RFC1: variants seen among roughly 807,000 people sequenced by gnomAD.
RFC1 encodes A1 140 kDa subunit.
A neutral mutation model predicts 137.4 loss-of-function variants in RFC1; 37 were observed. The ratio of observed to expected loss-of-function variants is 0.27; its 90% CI spans 0.21 to 0.35. The LOEUF (loss-of-function observed/expected upper bound fraction) is 0.35, where lower values mean the gene tolerates loss of function less well. Ranked by LOEUF, RFC1 falls within the 10% of genes least tolerant of loss-of-function variation. The probability of loss-of-function intolerance (pLI) is 1.00; values close to 1 mark genes in which losing one functional copy is unlikely to be tolerated. For missense variants in RFC1, 1,205 were observed against 1,358.5 expected, an observed-to-expected ratio of 0.89 and a Z score of 1.78; for synonymous variants, 429 against 455.7, an observed-to-expected ratio of 0.94 and a Z score of 0.75.
At chr4:39,334,457 C>G (rs1174580270) in intron 4 of RFC1, among the ~76,000 whole-genome samples, 1 of 152,170 alleles carries the variant, frequency 6.6e-6, no homozygotes, top group Non-Finnish European at 1.5e-5. Flanking sequence ...TTCCAACAGA[C>G]AGTGACTTAA....
chr4:39,312,057 C>G (rs1347889079), intron 11 of RFC1, among the ~76,000 whole-genome samples: 1 of 152,168 alleles, frequency 6.6e-6, no homozygotes, highest in Non-Finnish European at 1.5e-5. Flanking sequence ...GCCAATGAGC[C>G]TTATGTGAAA....
intron 21 of RFC1, among the ~76,000 whole-genome samples, chr4:39,296,212 T>C (rs533114053): frequency 4.1e-4 from 63 of 152,048 alleles, no homozygotes; most frequent in African/African-American, 1.4e-3. Flanking sequence ...ACCTTAGATG[T>C]CTTCTATGTC....
intron 1 of RFC1, among the ~76,000 whole-genome samples, chr4:39,359,259 C>T (rs1741629488): frequency 6.6e-6 from 1 of 152,172 alleles, no homozygotes; most frequent in South Asian, 2.1e-4. Flanking sequence ...TTTCTAGAGG[C>T]CTCACTCTGT....
At chr4:39,342,223 A>C in intron 4 of RFC1, 122 bp downstream of exon 4, 1 of 1,154,182 alleles carries the variant, frequency 8.7e-7, no homozygotes, top group Non-Finnish European at 1.2e-6. Flanking sequence ...GACAAATATA[A>C]CTCAACAAAG....
intron 10 of RFC1, 65 bp from the exon 11 acceptor site, chr4:39,312,996 A>G (rs940671454): frequency 7.5e-7 from 1 of 1,328,806 alleles, no homozygotes; most frequent in Admixed American, 2.0e-5. Context: ...AACATTTGGC[A>G]TCAAAACTGC....
chr4:39,357,902 C>T (rs1469259024), intron 1 of RFC1, among the ~76,000 whole-genome samples: 5 of 152,010 alleles, frequency 3.3e-5, no homozygotes, highest in Non-Finnish European at 5.9e-5. Context: ...CCACAGCGCC[C>T]GGCCCAGAAG....
At chr4:39,292,664 G>A (rs978181604) in intron 22 of RFC1, among the ~76,000 whole-genome samples, 8 of 144,640 alleles carry the variant, frequency 5.5e-5, no homozygotes, top group South Asian at 2.1e-4. Context: ...ATTTAAAGAC[G>A]AAGCCTCACT....
rs957412107 is a variant in RFC1 at position 39,287,784 on chromosome 4, A to G, written c.*977T>C. ...ACTTCCAACAGGGTTTGTGGAAGCC[A>G]TCACAGGACAGGACTAGATCTCTCA... On this transcript the variant is annotated 3_prime_UTR_variant, in exon 25 of 25. Transcript: ENST00000349703. 1 of 152,266 alleles carries G rather than the reference A, an allele frequency of 6.6e-6. No individual in the cohort carries two copies. Among genetic ancestry groups the G allele is most frequent in the Non-Finnish European group, 1.5e-5 (1 of 68,058 alleles). 9.4% of individuals were successfully genotyped at this position (152,266 alleles called of 1,614,324 possible).
intron 4 of RFC1, among the ~76,000 whole-genome samples, chr4:39,337,470 GT>G (rs1740415169): frequency 1.4e-5 from 2 of 144,472 alleles, no homozygotes; most frequent in African/African-American, 5.4e-5. Flanking sequence ...GTGTGTGTGT[GT>G]GTAACATTTA....
chr4:39,305,887 AGTG>A (rs1169648331), intron 14 of RFC1, among the ~76,000 whole-genome samples: 1 of 152,240 alleles, frequency 6.6e-6, no homozygotes, highest in Admixed American at 6.5e-5. Context: ...TTATAAACAC[AGTG>A]GAAACAGATA....
chr4:39,314,980 C>A (rs1739167421), intron 10 of RFC1, among the ~76,000 whole-genome samples: 1 of 152,124 alleles, frequency 6.6e-6, no homozygotes, highest in Non-Finnish European at 1.5e-5. Context: ...ATACTTAAAT[C>A]TCCCCCTAAA....
chr4:39,299,093 G>A (rs973385099), intron 21 of RFC1, among the ~76,000 whole-genome samples: 3 of 152,198 alleles, frequency 2.0e-5, no homozygotes, highest in South Asian at 2.1e-4. Flanking sequence ...CCGCTTAAAG[G>A]CATTCTTAAA....
chr4:39,325,873 C>G (rs939937684), intron 6 of RFC1, among the ~76,000 whole-genome samples: 3 of 152,226 alleles, frequency 2.0e-5, no homozygotes, highest in Non-Finnish European at 4.4e-5. Flanking sequence ...CTATTAACAT[C>G]ATCGAAGCCA....
At chr4:39,322,733 C>A (rs1435907735) in intron 7 of RFC1, among the ~76,000 whole-genome samples, 1 of 151,092 alleles carries the variant, frequency 6.6e-6, no homozygotes, top group Non-Finnish European at 1.5e-5. Flanking sequence ...GTGCTATGAA[C>A]GTGCCAGTGT....
chr4:39,333,875 T>C (rs1008736594), intron 4 of RFC1, among the ~76,000 whole-genome samples: 34 of 152,192 alleles, frequency 2.2e-4, no homozygotes, highest in Non-Finnish European at 4.4e-4. Flanking sequence ...TAATTACACA[T>C]GGCTCTCCAA....
At chr4:39,341,476 A>G in intron 4 of RFC1, 1 of 388,804 alleles carries the variant, frequency 2.6e-6, no homozygotes, top group East Asian at 7.2e-5. Context: ...AAATATGTTC[A>G]CATCACTTAC....
chr4:39,341,731 G>A (rs1161730916), intron 4 of RFC1: 1 of 454,212 alleles, frequency 2.2e-6, no homozygotes, highest in African/African-American at 2.0e-5. Flanking sequence ...TTTCTCCTAG[G>A]ATGACAATAT....
At chr4:39,314,494 C>T (rs563103367) in intron 10 of RFC1, among the ~76,000 whole-genome samples, 1 of 152,194 alleles carries the variant, frequency 6.6e-6, no homozygotes, top group East Asian at 1.9e-4. Flanking sequence ...GAGCAGCCAG[C>T]CACCCCTAGT....
At chr4:39,329,022 G>C (rs1739932631) in intron 4 of RFC1, among the ~76,000 whole-genome samples, 1 of 144,544 alleles carries the variant, frequency 6.9e-6, no homozygotes, top group Non-Finnish European at 1.5e-5. Context: ...AAAACATCTG[G>C]CTTTAAATGT....
Sources: allele counts gnomAD v4.1 joint callset (sites outside exome capture counted in the v4.1 genomes callset), GRCh38; gene constraint gnomAD v4.1.1; transcripts MANE v1.5; gene names NCBI Gene and HGNC (gene_info 2026-07-23, HGNC 2026-07-21).